The following TUBA3D variants were observed in gnomAD, a reference collection of about 807,000 sequenced individuals.
TUBA3D encodes the protein tubulin alpha-3D chain.
Under a neutral mutation model 36.1 loss-of-function variants are expected in TUBA3D, and 24 were observed. That is an observed-to-expected ratio of 0.66 (90% CI 0.48 to 0.93). The LOEUF (loss-of-function observed/expected upper bound fraction) is 0.93, where lower values mean the gene tolerates loss of function less well. TUBA3D is among the 40% of genes least tolerant of loss of function. The pLI is 0.00. For synonymous variants in TUBA3D, 185 were observed against 247.2 expected (o/e 0.75, Z 2.36); for missense variants, 356 against 614.5 (o/e 0.58, Z 4.45).
intron 1 of TUBA3D, 149 bp downstream of exon 1, chr2:131,476,351 G>C: frequency 9.1e-6 from 13 of 1,428,814 alleles, no homozygotes; most frequent in Non-Finnish European, 1.2e-5. Flanking sequence ...ACACGGGATC[G>C]TTTCCTGGAT....
intron 1 of TUBA3D, 99 bp downstream of exon 1, chr2:131,476,301 A>C: frequency 6.3e-7 from 1 of 1,591,544 alleles, no homozygotes; most frequent in Non-Finnish European, 8.6e-7. Context: ...CGCTGAGAGG[A>C]GGCCAGAGAA....
intron 4 of TUBA3D, among the ~76,000 whole-genome samples, chr2:131,481,759 G>T (rs1456546199): frequency 6.6e-6 from 1 of 152,136 alleles, no homozygotes; most frequent in African/African-American, 2.4e-5. Flanking sequence ...GTAGAGATGG[G>T]GTTTCGCCAT....
chr2:131,477,703 A>G (rs1184915863), intron 1 of TUBA3D, among the ~76,000 whole-genome samples: 1 of 151,236 alleles, frequency 6.6e-6, no homozygotes, highest in East Asian at 1.9e-4. Context: ...TGGACGGGGT[A>G]GAACTGGGGG....
chr2:131,480,428 T>C lies in TUBA3D; in HGVS notation c.735T>C (p.Asp245=), dbSNP rs1296992866. 23 of 1,588,736 alleles carry C rather than the reference T, an allele frequency of 1.4e-5. 2 individuals are homozygous for C. Among genetic ancestry groups the C allele is most frequent in the Non-Finnish European group, 1.9e-5 (22 of 1,171,710 alleles). ...VSSITASLRF[D]GALNVDLTEF... ...CCATCACAGCCTCCCTGCGATTTGA[T>C]GGGGCCCTGAATGTGGACTTGACGG... The change falls in exon 4 of 5, where the codon GAT becomes GAC. Residue 245 remains aspartate, a synonymous_variant. Coordinates refer to ENST00000321253, the MANE Select transcript of TUBA3D (RefSeq NM_080386.4).
intron 4 of TUBA3D, among the ~76,000 whole-genome samples, chr2:131,481,372 G>A (rs568249193): frequency 1.3e-5 from 2 of 151,296 alleles, no homozygotes; most frequent in Non-Finnish European, 1.5e-5. Context: ...AGGCTCCAGC[G>A]ATTCTCTCAC....
At chr2:131,479,802 T>C (rs977759022) in intron 3 of TUBA3D, among the ~76,000 whole-genome samples, 1 of 152,154 alleles carries the variant, frequency 6.6e-6, no homozygotes, top group African/African-American at 2.4e-5. Context: ...ATTGCACTAC[T>C]GCACTCTAGC....
chr2:131,477,469 G>A (rs1428156376), intron 1 of TUBA3D, among the ~76,000 whole-genome samples: 2 of 152,042 alleles, frequency 1.3e-5, no homozygotes, highest in Non-Finnish European at 2.9e-5. Context: ...TTATGAAGAG[G>A]GCAGCCTGCC....
chr2:131,479,873 G>A (rs1678794037), intron 3 of TUBA3D, among the ~76,000 whole-genome samples, 196 bp from the exon 4 acceptor site: 1 of 152,158 alleles, frequency 6.6e-6, no homozygotes, highest in Non-Finnish European at 1.5e-5. Flanking sequence ...CCAGCATCTT[G>A]AGTCCTACTG....
Position 131,476,120 on chromosome 2 carries a change from G to T in TUBA3D, c.-80G>T, listed in dbSNP as rs1234334777. On this transcript the variant is annotated 5_prime_UTR_variant, in exon 1 of 5. In the 5' UTR this introduces an upstream ATG that the reference lacks. Transcript: ENST00000321253. ...TCCCGTGCGGCGCGCACAGGCAGGA[G>T]GTTGCAGTTGGGCGCTCAGCAGCTG... The T allele has an allele frequency of 2.5e-6, 4 of 1,610,218 alleles. No homozygotes were observed. Among genetic ancestry groups the T allele is most frequent in the Non-Finnish European group, 3.4e-6 (4 of 1,178,664 alleles).
In TUBA3D at chr2:131,478,479, A is replaced by C. The variant is rs184816274; in HGVS notation, c.226+93A>C. ...GGGCTCCTTTGAATCCTCCTGCTGA[A>C]AGGATGGGATAGACAGGCATATGCC... On this transcript the variant is annotated intron_variant, in intron 2 of 4. Coordinates refer to ENST00000321253, the MANE Select transcript of TUBA3D (RefSeq NM_080386.4). 3.4e-3 allele frequency: 4,599 copies of C among 1,355,778 alleles called. 133 individuals are homozygous for C. In the African/African-American group the frequency reaches 0.059, roughly 17 times the overall value. The allele number at this position is 1,355,778 out of a possible 1,614,324, so 84.0% of individuals were successfully genotyped here. A position where few individuals can be genotyped will look rare whatever the true frequency, so the allele number is the denominator to read the frequency against.
In TUBA3D at chr2:131,476,216, C is replaced by A; in HGVS notation, c.3+14C>A. 1 of 1,613,924 alleles carries A rather than the reference C, an allele frequency of 6.2e-7. No individual in the cohort carries two copies. Among genetic ancestry groups the A allele is most frequent in the Non-Finnish European group, 8.5e-7 (1 of 1,180,006 alleles). On this transcript the variant is annotated intron_variant, in intron 1 of 4. Transcript: ENST00000321253. Reference sequence around the variant, plus strand: ...GAGTTCGCCATGGTAAGGCCCGGGTCACTCCCGCCCCGCAGATGCCCAGGC... The same window carrying A: ...GAGTTCGCCATGGTAAGGCCCGGGTAACTCCCGCCCCGCAGATGCCCAGGC...
In TUBA3D at chr2:131,482,637, C is replaced by G; in HGVS notation, c.1142C>G (p.Thr381Ser). Reference protein sequence around the residue: ...VQRAVCMLSNTTAIAEAWARL... With the variant: ...VQRAVCMLSNSTAIAEAWARL... ...CGGGCCGTGTGCATGCTGAGCAACA[C>G]CACGGCCATTGCGGAGGCCTGGGCC... The change falls in exon 5 of 5, where the codon ACC becomes AGC. Residue 381 changes from threonine (T) to serine (S), a missense_variant. Physicochemically the swap from Thr to Ser is moderately conservative, Grantham distance 58. Coordinates refer to ENST00000321253, the MANE Select transcript of TUBA3D (RefSeq NM_080386.4). The G allele has an allele frequency of 6.2e-7, 1 of 1,614,216 alleles. No individual in the cohort carries two copies. Among genetic ancestry groups the G allele is most frequent in the South Asian group, 1.1e-5 (1 of 91,088 alleles).
At chr2:131,476,720 T>G (rs530408839) in intron 1 of TUBA3D, among the ~76,000 whole-genome samples, 69 of 152,148 alleles carry the variant, frequency 4.5e-4, no homozygotes, top group African/African-American at 1.6e-3. Context: ...GATCACCTGA[T>G]GTCTGGAGTT....
chr2:131,480,858 G>A (rs1257022590), intron 4 of TUBA3D, 109 bp downstream of exon 4: 44 of 1,439,978 alleles, frequency 3.1e-5, no homozygotes, highest in Non-Finnish European at 3.9e-5. Context: ...CCATGGGCTA[G>A]GCATGTGGGC....
In TUBA3D at chr2:131,482,674, T is replaced by A; in HGVS notation, c.1179T>A (p.His393Gln). ...AIAEAWARLD[H>Q]KFDLMYAKRA... is the part of the protein sequence containing the mutation. ...CGGAGGCCTGGGCCCGCCTGGACCATAAGTTCGATCTCATGTATGCCAAGC... is the reference window on the plus strand; with the variant it reads ...CGGAGGCCTGGGCCCGCCTGGACCAAAAGTTCGATCTCATGTATGCCAAGC... The change falls in exon 5 of 5, where the codon CAT becomes CAA. Residue 393 changes from histidine (H) to glutamine (Q), a missense_variant. Around this residue, in one of 3 missense-constraint regions of TUBA3D, gnomAD observed 156 missense variants for 219.8 expected, o/e 0.71. Transcript: ENST00000321253. The A allele has an allele frequency of 6.2e-7, 1 of 1,614,106 alleles. No individual in the cohort carries two copies. Among genetic ancestry groups the A allele is most frequent in the Non-Finnish European group, 8.5e-7 (1 of 1,180,010 alleles).
chr2:131,482,863 G>A lies in TUBA3D; in HGVS notation c.*15G>A, dbSNP rs778304916. On this transcript the variant is annotated 3_prime_UTR_variant, in exon 5 of 5. Coordinates refer to ENST00000321253, the MANE Select transcript of TUBA3D (RefSeq NM_080386.4). ...AAGAATACTGAGGGGAGGGTGTGGT[G>A]GGTTCTCCCCTGCCACCCCCGGGAT... is the stretch of plus-strand genomic sequence containing the variant. 2 of 1,609,088 alleles carry A rather than the reference G, an allele frequency of 1.2e-6. No individual in the cohort carries two copies. Among genetic ancestry groups the A allele is most frequent in the Non-Finnish European group, 1.7e-6 (2 of 1,176,592 alleles).
intron 2 of TUBA3D, chr2:131,478,912 G>A (rs920716324): frequency 9.3e-6 from 2 of 215,784 alleles, no homozygotes; most frequent in Non-Finnish European, 1.8e-5. Flanking sequence ...AGGTCATCCA[G>A]GGTGCCCTGA....
At position 131,482,600 on chromosome 2, in the gene TUBA3D, G is replaced by A; in HGVS notation, c.1105G>A (p.Ala369Thr). 1 of 1,613,840 alleles carries A rather than the reference G, an allele frequency of 6.2e-7. No individual in the cohort carries two copies. Among genetic ancestry groups the A allele is most frequent in the Non-Finnish European group, 8.5e-7 (1 of 1,179,838 alleles). Residue 369 changes from alanine (A) to threonine (T), a missense_variant, in exon 5 of 5, where the codon GCC becomes ACC. By Grantham distance (58) the Ala-to-Thr change is moderately conservative. Around this residue, in one of 3 missense-constraint regions of TUBA3D, gnomAD observed 156 missense variants for 219.8 expected, o/e 0.71. Coordinates refer to ENST00000321253, the MANE Select transcript of TUBA3D (RefSeq NM_080386.4). ...PPTVVPGGDL[A>T]KVQRAVCMLS... ...CACAGTGGTCCCCGGGGGAGACCTGGCCAAGGTGCAGCGGGCCGTGTGCAT... is the reference window on the plus strand; with the variant it reads ...CACAGTGGTCCCCGGGGGAGACCTGACCAAGGTGCAGCGGGCCGTGTGCAT...
rs1027628496 is a variant in TUBA3D, at chr2:131,479,450, C to G, written c.369C>G (p.Arg123=). The part of the protein sequence containing the change: ...EIVDLVLDRI[R]KLADLCTGLQ... ...TTGACCTAGTCCTGGACCGGATCCG[C>G]AAACTGGTAAGAAGAGAAGGTTTCA... The change falls in exon 3 of 5, where the codon CGC becomes CGG. Residue 123 remains arginine, a synonymous_variant. Transcript: ENST00000321253. 3.1e-6 allele frequency: 5 copies of G among 1,613,930 alleles called. No individual in the cohort carries two copies. Among genetic ancestry groups the G allele is most frequent in the Non-Finnish European group, 4.2e-6 (5 of 1,180,008 alleles).
Sources: allele counts gnomAD v4.1 joint callset (sites outside exome capture counted in the v4.1 genomes callset), GRCh38; gene constraint gnomAD v4.1.1; regional missense constraint gnomAD v4.1.1; transcripts MANE v1.5; gene names NCBI Gene and HGNC (gene_info 2026-07-23, HGNC 2026-07-21).